Variants in TBX1 observed in about 807,000 individuals in gnomAD.
The protein encoded by TBX1 is T-box transcription factor 1.
TBX1 carries 16 observed loss-of-function variants against 40.8 expected under a neutral mutation model. The ratio of observed to expected loss-of-function variants is 0.39; its 90% CI spans 0.27 to 0.60. The LOEUF is 0.60. TBX1 is among the 20% of genes least tolerant of loss of function. The pLI, the probability that TBX1 is intolerant of heterozygous loss-of-function variation, is 0.51. For missense variants in TBX1, 755 were observed against 728.5 expected, an observed-to-expected ratio of 1.04 and a Z score of -0.42; for synonymous variants, 403 against 336.8, an observed-to-expected ratio of 1.20 and a Z score of -2.15.
chr22:19,766,789 CG>C lies in TBX1; in HGVS notation c.1438del (p.Ala480GlnfsTer?). 6.7e-7 allele frequency: 1 copy of C among 1,502,688 alleles called. No individual in the cohort carries two copies. Among genetic ancestry groups the C allele is most frequent in the Non-Finnish European group, 8.8e-7 (1 of 1,141,414 alleles). The allele number at this position is 1,502,688 out of a possible 1,614,324, so 93.1% of individuals were successfully genotyped here. Reference sequence around the variant, plus strand: ...CCGCCGCGGCCGCCGCCGCCGCTGCCGCAGCTGCCGCGGCCGCCAACATGTA... The same window carrying C: ...CCGCCGCGGCCGCCGCCGCCGCTGCCCAGCTGCCGCGGCCGCCAACATGTA... ...PAAAAAAAAAAAAAAANMYSS... is the reference protein window; with the variant it reads ...PAAAAAAAAAXAAAAANMYSS... On this transcript the variant is annotated frameshift_variant, in exon 7 of 7. Transcript: ENST00000649276. LOFTEE classifies it high-confidence loss of function.
In TBX1 at chr22:19,774,899, A is replaced by C. The variant is rs376030815; in HGVS notation, c.1010-4321A>C. On this transcript the variant is annotated intron_variant, in intron 8 of 8. Transcript: ENST00000329705. ...CTGGAGGTGGACGCACAGCATCGGG[A>C]ATACACAATGCCACTGAATTGTGTA... 1.4e-3 allele frequency among the ~76,000 whole-genome samples: 149 copies of C among 105,814 alleles called. 1 individual carries two copies. The highest frequency in any genetic ancestry group is 6.1e-3 in the African/African-American group (141 of 23,262). 69.4% of individuals were successfully genotyped at this position (105,814 alleles called of 152,430 possible). A position where few individuals can be genotyped will look rare whatever the true frequency, so the allele number is the denominator to read the frequency against.
Position 19,765,690 on chromosome 22 carries a change from C to T in TBX1, c.868-68C>T, listed in dbSNP as rs1476563927. 99 of 1,570,994 alleles carry T rather than the reference C, an allele frequency of 6.3e-5. No homozygotes were observed. In the East Asian group the frequency reaches 1.9e-3, roughly 31 times the overall value. ...TGCGCTTCTCCTAACACTCCCCTAT[C>T]CTCCGCCGAGGTCGGGTGGCCCAGG... On this transcript the variant is annotated intron_variant, in intron 4 of 6. Coordinates refer to ENST00000649276, the MANE Select transcript of TBX1 (RefSeq NM_001379200.1).
At chr22:19,779,658 C>T, downstream of TBX1, 1 of 900,232 alleles carries the variant, frequency 1.1e-6, no homozygotes, top group Non-Finnish European at 1.6e-6. Context: ...ATAAACACTT[C>T]TAAATATTTA....
intron 8 of TBX1, among the ~76,000 whole-genome samples, chr22:19,776,878 G>A (rs577175637): frequency 6.6e-6 from 1 of 152,182 alleles, no homozygotes; most frequent in African/African-American, 2.4e-5. Context: ...GCCGTGCCGC[G>A]TGGCTCTGTT....
chr22:19,765,836 T>A lies in TBX1; in HGVS notation c.935+11T>A. ...TGACCCTGAGGACTGGTGAGTGTCC[T>A]CCCCCGAGAGAGTGAGCGCCGGGCG... is the stretch of plus-strand genomic sequence containing the variant. On this transcript the variant is annotated intron_variant, in intron 5 of 6. Coordinates refer to ENST00000649276, the MANE Select transcript of TBX1 (RefSeq NM_001379200.1). The A allele has an allele frequency of 6.3e-7, 1 of 1,597,414 alleles. No individual in the cohort carries two copies. Among genetic ancestry groups the A allele is most frequent in the Non-Finnish European group, 8.5e-7 (1 of 1,172,774 alleles).
At chr22:19,768,460 A>G (rs560719309), downstream of TBX1, among the ~76,000 whole-genome samples, 168 of 152,318 alleles carry the variant, frequency 1.1e-3, no homozygotes, top group Middle Eastern at 3.4e-3. Flanking sequence ...CAAAGCCTCA[A>G]AGGGCATCTA....
rs746457113 is a variant in TBX1, at chr22:19,765,738, T to TCA, written c.868-16_868-15dup. ...AGGCTGCAGGGCTCCAGCGGCTTGC[T>TCA]CACACCCACCTCCCTGCAGATCACG... On this transcript the variant is annotated intron_variant, in intron 4 of 6. Coordinates refer to ENST00000649276, the MANE Select transcript of TBX1 (RefSeq NM_001379200.1). 6.2e-7 allele frequency: 1 copy of TCA among 1,610,670 alleles called. No individual in the cohort carries two copies. Among genetic ancestry groups the TCA allele is most frequent in the Non-Finnish European group, 8.5e-7 (1 of 1,178,922 alleles).
At chr22:19,758,278 A>G (rs1936531394), upstream of TBX1, among the ~76,000 whole-genome samples, 1 of 152,208 alleles carries the variant, frequency 6.6e-6, no homozygotes, top group Non-Finnish European at 1.5e-5. Flanking sequence ...CCTTGCAAAC[A>G]GTGGCCCTGA....
chr22:19,782,937 T>A (rs1569033550), downstream of TBX1: 2 of 1,605,960 alleles, frequency 1.2e-6, no homozygotes, highest in Non-Finnish European at 1.7e-6. Flanking sequence ...GGCTCTGGGC[T>A]CCAACCTGGC....
At chr22:19,770,498 C>T (rs1412086438), downstream of TBX1, among the ~76,000 whole-genome samples, 1 of 152,234 alleles carries the variant, frequency 6.6e-6, no homozygotes, top group Admixed American at 6.5e-5. Flanking sequence ...CAGGAAAGCA[C>T]TGGAGGTGCA....
upstream of TBX1, among the ~76,000 whole-genome samples, chr22:19,758,039 C>T (rs763415560): frequency 2.6e-5 from 4 of 152,174 alleles, no homozygotes; most frequent in African/African-American, 7.2e-5. Context: ...TCACCCACTG[C>T]GGCCCTGGAC....
chr22:19,779,627 A>G, downstream of TBX1: 1 of 1,100,108 alleles, frequency 9.1e-7, no homozygotes, highest in African/African-American at 1.6e-5. Flanking sequence ...CTGACATTTA[A>G]ACATTGACTG....
chr22:19,767,794 G>A (rs572551843), downstream of TBX1, among the ~76,000 whole-genome samples: 2 of 152,252 alleles, frequency 1.3e-5, no homozygotes, highest in African/African-American at 2.4e-5. Context: ...GTGCTGGGAG[G>A]GGGAGAAGCC....
At chr22:19,776,720 G>A (rs1021681138) in intron 8 of TBX1, among the ~76,000 whole-genome samples, 5 of 152,218 alleles carry the variant, frequency 3.3e-5, no homozygotes, top group African/African-American at 7.2e-5. Context: ...GGTAGCCGAC[G>A]TCCATGCCAG....
Position 19,767,029 on chromosome 22 carries a change from C to T in TBX1, c.*162C>T, listed in dbSNP as rs1936885592. ...CTCGAAGCCATGGGGGCCCCCTCGC[C>T]ACCCCCAGCCCCTTGGGCTATCGAA... On this transcript the variant is annotated 3_prime_UTR_variant, in exon 7 of 7. Transcript: ENST00000649276. 1 of 1,353,250 alleles carries T rather than the reference C, an allele frequency of 7.4e-7. No homozygotes were observed. Among genetic ancestry groups the T allele is most frequent in the Non-Finnish European group, 9.5e-7 (1 of 1,055,932 alleles). 83.8% of individuals were successfully genotyped at this position (1,353,250 alleles called of 1,614,324 possible). A position where few individuals can be genotyped will look rare whatever the true frequency, so the allele number is the denominator to read the frequency against.
At chr22:19,783,555 G>A, downstream of TBX1, 1 of 173,340 alleles carries the variant, frequency 5.8e-6, no homozygotes, top group Non-Finnish European at 1.2e-5. Context: ...CACTGTCCCT[G>A]GTCTCTTAAA....
At chr22:19,759,641 G>C, upstream of TBX1, 1 of 1,612,414 alleles carries the variant, frequency 6.2e-7, no homozygotes, top group Non-Finnish European at 8.5e-7. Flanking sequence ...ATCCCCGGCA[G>C]GGATGCACTT....
chr22:19,772,347 C>T (rs570253315), intron 8 of TBX1, among the ~76,000 whole-genome samples: 188 of 152,268 alleles, frequency 1.2e-3, no homozygotes, highest in Admixed American at 2.2e-3. Context: ...GCTCTGTTGC[C>T]CAGGCTGGAG....
chr22:19,757,949 T>C (rs1413026310), upstream of TBX1, among the ~76,000 whole-genome samples: 2 of 152,072 alleles, frequency 1.3e-5, no homozygotes, highest in Non-Finnish European at 2.9e-5. Flanking sequence ...GCGGCAGGGG[T>C]TGTGGGGGGC....
Sources: allele counts gnomAD v4.1 joint callset (sites outside exome capture counted in the v4.1 genomes callset), GRCh38; gene constraint gnomAD v4.1.1; transcripts MANE v1.5; gene names NCBI Gene and HGNC (gene_info 2026-07-23, HGNC 2026-07-21).